The following SESN1 variants were observed in gnomAD, a reference collection of about 807,000 sequenced individuals.
SESN1 encodes the protein sestrin 1.
In SESN1, 30 loss-of-function variants were observed where a neutral mutation model predicts 59.3. That is an observed-to-expected ratio of 0.51 (90% CI 0.38 to 0.69). The LOEUF is 0.69. Ranked by LOEUF, SESN1 falls within the 30% of genes least tolerant of loss-of-function variation. SESN1 has a pLI of 0.00. For missense variants in SESN1, 566 were observed against 673.0 expected (o/e 0.84, Z 1.76); for synonymous variants, 197 against 219.9 (o/e 0.90, Z 0.92).
At chr6:109,021,717 A>T (rs1411611543) in intron 1 of SESN1, among the ~76,000 whole-genome samples, 1 of 151,946 alleles carries the variant, frequency 6.6e-6, no homozygotes, top group Non-Finnish European at 1.5e-5. Context: ...GATTATAGGC[A>T]TGAGCCACCA....
chr6:108,994,089 A>G (rs1583260441), intron 6 of SESN1, among the ~76,000 whole-genome samples: 1 of 150,030 alleles, frequency 6.7e-6, no homozygotes, highest in East Asian at 1.9e-4. Flanking sequence ...ACAGTGAGCT[A>G]CAATCACGCC....
At chr6:108,998,346 G>T in intron 5 of SESN1, 167 bp downstream of exon 5, 1 of 674,036 alleles carries the variant, frequency 1.5e-6, no homozygotes, top group Non-Finnish European at 2.5e-6. Context: ...GACTAGTGAT[G>T]AGCATGTGAG....
intron 1 of SESN1, among the ~76,000 whole-genome samples, chr6:109,075,979 C>A (rs1376264474): frequency 6.6e-6 from 1 of 152,196 alleles, no homozygotes; most frequent in Non-Finnish European, 1.5e-5. Context: ...GACACTTTCA[C>A]AAATTAGGTC....
In SESN1 at chr6:108,988,610, CA is replaced by C; in HGVS notation, c.1501del (p.Cys501AlafsTer31). ...TCTTTTGGTAACCTTTTCAGGAGTG[CA>C]AACAACAGTTTTGATATAAACTTTA... Reference protein sequence around the residue: ...SFKVYIKTVVCTPEKVTKRMY... With the variant: ...SFKVYIKTVVXTPEKVTKRMY... On this transcript the variant is annotated frameshift_variant, in exon 9 of 10. Transcript: ENST00000436639. LOFTEE classifies it high-confidence loss of function. 6.2e-7 allele frequency: 1 copy of C among 1,613,078 alleles called. No individual in the cohort carries two copies. The highest frequency in any genetic ancestry group is 8.5e-7 in the Non-Finnish European group (1 of 1,179,488).
At chr6:109,009,509 A>AGCCGGCCGCGGCTCCTGGCT in intron 1 of SESN1, 1 of 1,203,088 alleles carries the variant, frequency 8.3e-7, no homozygotes, top group Non-Finnish European at 1.0e-6. Context: ...AGCGCTGGGC[A>AGCCGGCCGCGGCTCCTGGCT]GCCGGCCGCG....
At chr6:108,994,759 G>C (rs1302583095) in intron 5 of SESN1, 150 bp from the exon 6 acceptor site, 1 of 620,644 alleles carries the variant, frequency 1.6e-6, no homozygotes, top group Non-Finnish European at 2.3e-6. Flanking sequence ...CTGCAGTGCA[G>C]TGGCGCGATC....
chr6:109,002,530 A>C (rs1302327341), intron 1 of SESN1, among the ~76,000 whole-genome samples, 187 bp from the exon 2 acceptor site: 1 of 152,186 alleles, frequency 6.6e-6, no homozygotes, highest in African/African-American at 2.4e-5. Flanking sequence ...CTTATAATAC[A>C]ACTCTGATTA....
intron 1 of SESN1, 45 bp downstream of exon 1, chr6:109,093,750 T>C (rs770531130): frequency 1.3e-6 from 2 of 1,557,496 alleles, no homozygotes; most frequent in South Asian, 2.4e-5. Context: ...AAGTAAAATT[T>C]AACTGTAGTA....
chr6:109,039,988 A>G (rs1780313816), intron 1 of SESN1, among the ~76,000 whole-genome samples: 1 of 152,234 alleles, frequency 6.6e-6, no homozygotes, highest in African/African-American at 2.4e-5. Context: ...CAACAGTCAA[A>G]TGAAGGACTG....
chr6:109,084,559 AAAAAC>A (rs1236337711), intron 1 of SESN1, among the ~76,000 whole-genome samples: 2 of 152,216 alleles, frequency 1.3e-5, no homozygotes, highest in Non-Finnish European at 2.9e-5. Context: ...GTCTCAAAAC[AAAAAC>A]AAAACAAAAG....
chr6:109,089,638 C>T (rs1019708343), intron 1 of SESN1, among the ~76,000 whole-genome samples: 2 of 152,202 alleles, frequency 1.3e-5, no homozygotes, highest in African/African-American at 4.8e-5. Context: ...CCTAAATTGA[C>T]CCCCTGCCAC....
chr6:109,002,395 C>A (rs1218257775), intron 1 of SESN1, 52 bp from the exon 2 acceptor site: 2 of 1,449,674 alleles, frequency 1.4e-6, no homozygotes, highest in Non-Finnish European at 1.9e-6. Context: ...ACAAAATGAA[C>A]TGAGGCTAAA....
chr6:109,065,249 A>C (rs759596509), intron 1 of SESN1, among the ~76,000 whole-genome samples: 3 of 149,646 alleles, frequency 2.0e-5, no homozygotes, highest in Admixed American at 6.6e-5. Context: ...GTGTTCTTAT[A>C]GGTTTATAAA....
At chr6:109,028,991 C>T (rs890887238) in intron 1 of SESN1, among the ~76,000 whole-genome samples, 23 of 152,136 alleles carry the variant, frequency 1.5e-4, no homozygotes, top group Non-Finnish European at 5.9e-5. Flanking sequence ...GAGATTTAGT[C>T]TAAATTGTTC....
chr6:109,080,971 A>G (rs927815997), intron 1 of SESN1, among the ~76,000 whole-genome samples: 2 of 152,118 alleles, frequency 1.3e-5, no homozygotes, highest in Admixed American at 1.3e-4. Context: ...TAAAACAGAT[A>G]TATTTTGTGT....
chr6:109,038,330 TAAAAATACA>T (rs1383119131), intron 1 of SESN1, among the ~76,000 whole-genome samples: 2 of 152,196 alleles, frequency 1.3e-5, no homozygotes, highest in African/African-American at 4.8e-5. Context: ...TCGTCTCTAC[TAAAAATACA>T]AAATTAGCTA....
chr6:108,998,497 G>T lies in SESN1; in HGVS notation c.972+16C>A. 1 of 1,612,706 alleles carries T rather than the reference G, an allele frequency of 6.2e-7. No homozygotes were observed. The highest frequency in any genetic ancestry group is 1.1e-5 in the South Asian group (1 of 90,922). ...GTGATTAGTTTTATGACAATCTCAT[G>T]ACAAATAATACTTACAGAAACATTT... On this transcript the variant is annotated intron_variant, in intron 5 of 9. Transcript: ENST00000436639.
intron 1 of SESN1, among the ~76,000 whole-genome samples, chr6:109,002,818 A>G (rs904959236): frequency 3.9e-5 from 6 of 152,246 alleles, no homozygotes; most frequent in African/African-American, 1.2e-4. Context: ...GTTAGAATGT[A>G]AATTTATGAA....
At chr6:109,014,620 T>C (rs1328107501) in intron 1 of SESN1, among the ~76,000 whole-genome samples, 1 of 152,172 alleles carries the variant, frequency 6.6e-6, no homozygotes, top group Non-Finnish European at 1.5e-5. Flanking sequence ...AGGGTGAGTT[T>C]TTTTGTTTGT....
Sources: allele counts gnomAD v4.1 joint callset (sites outside exome capture counted in the v4.1 genomes callset), GRCh38; gene constraint gnomAD v4.1.1; transcripts MANE v1.5; gene names NCBI Gene and HGNC (gene_info 2026-07-23, HGNC 2026-07-21).